Variants in CTDP1 observed in about 807,000 individuals in gnomAD.
CTDP1 encodes CTD phosphatase 1, also known as RNA polymerase II subunit A C-terminal domain phosphatase.
In CTDP1, 47 loss-of-function variants were observed where a neutral mutation model predicts 91.8. That is an observed-to-expected ratio of 0.51 (90% CI 0.41 to 0.65). The LOEUF (loss-of-function observed/expected upper bound fraction) is 0.65, where lower values mean the gene tolerates loss of function less well. Among genes scored for constraint, CTDP1 ranks in the 30% least tolerant of loss-of-function variants. The pLI is 0.00. For synonymous variants in CTDP1, 656 were observed against 598.5 expected (o/e 1.10, Z -1.40); for missense variants, 1,272 against 1,373.7 (o/e 0.93, Z 1.17).
chr18:79,695,170 T>C, intron 1 of CTDP1, 55 bp from the exon 2 acceptor site: 3 of 1,524,082 alleles, frequency 2.0e-6, no homozygotes, highest in Non-Finnish European at 1.8e-6. Flanking sequence ...ACTTGGGGGC[T>C]CTTTTGATAA....
At chr18:79,723,700 A>C (rs2086391527) in intron 10 of CTDP1, among the ~76,000 whole-genome samples, 1 of 152,136 alleles carries the variant, frequency 6.6e-6, no homozygotes, top group Non-Finnish European at 1.5e-5. Context: ...GAACAGGCTC[A>C]CCACTAGGAC....
intron 10 of CTDP1, among the ~76,000 whole-genome samples, chr18:79,722,156 A>G (rs917829073): frequency 1.3e-5 from 2 of 152,256 alleles, no homozygotes; most frequent in Non-Finnish European, 2.9e-5. Flanking sequence ...TCTAAGATCA[A>G]TGAGAAAAAA....
chr18:79,695,573 A>C (rs2085729789), intron 2 of CTDP1, among the ~76,000 whole-genome samples: 2 of 152,172 alleles, frequency 1.3e-5, no homozygotes, highest in South Asian at 4.1e-4. Context: ...CTCCTGACTG[A>C]AGACGCAGAT....
chr18:79,687,909 G>A lies in CTDP1; in HGVS notation c.315-7316G>A, dbSNP rs185117139. ...GGTGCACGTGGTGCCACGTGGTTTT[G>A]AGACGTGCTGGGAACTGGTTTTGTT... On this transcript the variant is annotated intron_variant, in intron 1 of 12. Coordinates refer to ENST00000613122, the MANE Select transcript of CTDP1 (RefSeq NM_004715.5). 2.4e-3 allele frequency among the ~76,000 whole-genome samples: 370 copies of A among 152,348 alleles called. 1 individual carries two copies. Among genetic ancestry groups the A allele is most frequent in the African/African-American group, 8.6e-3 (357 of 41,584 alleles).
chr18:79,736,629 C>T, intron 12 of CTDP1, 108 bp downstream of exon 12: 1 of 1,146,194 alleles, frequency 8.7e-7, no homozygotes, highest in African/African-American at 1.6e-5. Flanking sequence ...CTCCACCATT[C>T]TGTGTGTGAC....
At chr18:79,714,411 A>G (rs1175542249) in intron 7 of CTDP1, 80 bp from the exon 8 acceptor site, 3 of 1,512,274 alleles carry the variant, frequency 2.0e-6, no homozygotes, top group Non-Finnish European at 2.7e-6. Context: ...GCCATGGAGA[A>G]GGGTGCTGCT....
At chr18:79,728,813 T>C (rs2086504727) in intron 10 of CTDP1, 94 bp from the exon 11 acceptor site, 1 of 1,267,770 alleles carries the variant, frequency 7.9e-7, no homozygotes, top group East Asian at 3.2e-5. Context: ...TGTGTGAGTG[T>C]TTACCTAGTC....
At chr18:79,689,867 A>G (rs894272256) in intron 1 of CTDP1, among the ~76,000 whole-genome samples, 1 of 152,208 alleles carries the variant, frequency 6.6e-6, no homozygotes, top group Non-Finnish European at 1.5e-5. Context: ...ATTTGCCTTG[A>G]CACAAAACTT....
chr18:79,721,657 C>T (rs972903347), intron 10 of CTDP1, among the ~76,000 whole-genome samples: 13 of 152,152 alleles, frequency 8.5e-5, no homozygotes, highest in African/African-American at 2.9e-4. Flanking sequence ...GGAGGTGGAC[C>T]CGCAAGGATC....
intron 4 of CTDP1, chr18:79,703,550 G>A (rs1324972740): frequency 3.3e-5 from 5 of 152,224 alleles, no homozygotes; most frequent in East Asian, 1.9e-4. Flanking sequence ...TCACCCATGC[G>A]TTATACCAGG....
At chr18:79,676,771 T>C (rs1199388411), upstream of CTDP1, among the ~76,000 whole-genome samples, 1 of 152,202 alleles carries the variant, frequency 6.6e-6, no homozygotes, top group African/African-American at 2.4e-5. Flanking sequence ...TTGTGGCTTA[T>C]GCTATTTTTC....
Position 79,690,676 on chromosome 18 carries a change from C to G in CTDP1, c.315-4549C>G, listed in dbSNP as rs2085602162. On this transcript the variant is annotated intron_variant, in intron 1 of 12. Transcript: ENST00000613122. ...CCTGTCTGCACGCGGGTTTCCCAGC[C>G]TTTGCACACACAGACATTCTGAGCC... is the stretch of plus-strand genomic sequence containing the variant. Among the ~76,000 whole-genome samples, 3 of 152,192 alleles carry G rather than the reference C, an allele frequency of 2.0e-5. No homozygotes were observed. In the South Asian group the frequency reaches 6.2e-4, roughly 31 times the overall value.
chr18:79,754,499 T>C lies in CTDP1; in HGVS notation c.*709T>C, dbSNP rs1244865343. 1 of 152,766 alleles carries C rather than the reference T, an allele frequency of 6.5e-6. No individual in the cohort carries two copies. Among genetic ancestry groups the C allele is most frequent in the Non-Finnish European group, 1.5e-5 (1 of 68,162 alleles). 9.5% of individuals were successfully genotyped at this position (152,766 alleles called of 1,614,324 possible). On this transcript the variant is annotated 3_prime_UTR_variant, in exon 13 of 13. Coordinates refer to ENST00000613122, the MANE Select transcript of CTDP1 (RefSeq NM_004715.5). ...ATTTCTCTTTAATAAAAATCCTTTT[T>C]GTAAGTTCTCTTCTCGTGGGTGTGT... is the stretch of plus-strand genomic sequence containing the variant.
intron 11 of CTDP1, among the ~76,000 whole-genome samples, chr18:79,731,174 G>A (rs934944143): frequency 6.6e-6 from 1 of 152,192 alleles, no homozygotes; most frequent in Non-Finnish European, 1.5e-5. Flanking sequence ...GCTGCTGCTC[G>A]TTTTGGGGCA....
chr18:79,689,762 C>T (rs1008298145), intron 1 of CTDP1, among the ~76,000 whole-genome samples: 3 of 152,202 alleles, frequency 2.0e-5, no homozygotes, highest in South Asian at 2.1e-4. Context: ...AACTAGGTGA[C>T]GGAGCGAGAC....
intron 3 of CTDP1, among the ~76,000 whole-genome samples, chr18:79,697,658 A>T (rs1316990258): frequency 6.6e-6 from 1 of 152,176 alleles, no homozygotes; most frequent in East Asian, 1.9e-4. Context: ...TAACTGAATT[A>T]TAAAATTGTG....
chr18:79,727,512 G>T (rs1340985412), intron 10 of CTDP1, among the ~76,000 whole-genome samples: 1 of 152,188 alleles, frequency 6.6e-6, no homozygotes. Context: ...TGCGGCGTTC[G>T]TGGGATGGGA....
chr18:79,734,330 A>C (rs1044084935), intron 11 of CTDP1, among the ~76,000 whole-genome samples: 20 of 152,254 alleles, frequency 1.3e-4, no homozygotes, highest in Admixed American at 3.9e-4. Context: ...TTTTTGTAAA[A>C]ACAAGCCCAG....
At chr18:79,695,393 A>G (rs1378723126) in intron 2 of CTDP1, 85 bp downstream of exon 2, 1 of 1,245,510 alleles carries the variant, frequency 8.0e-7, no homozygotes, top group Non-Finnish European at 1.2e-6. Context: ...TGCTGGGAAC[A>G]CAGTGAGGCC....
Sources: gnomAD v4.1 joint callset for allele counts (sites outside exome capture counted in the v4.1 genomes callset) on GRCh38, gnomAD v4.1.1 for gene constraint, MANE v1.5 for transcripts, NCBI Gene and HGNC (gene_info 2026-07-23, HGNC 2026-07-21) for gene names.